The following EBF2 variants were observed in gnomAD, a reference collection of about 807,000 sequenced individuals.
The protein encoded by EBF2 is transcription factor COE2.
Under a neutral mutation model 72.8 loss-of-function variants are expected in EBF2, and 21 were observed. That is an observed-to-expected ratio of 0.29 (90% CI 0.20 to 0.42). The LOEUF (loss-of-function observed/expected upper bound fraction) is 0.42, where lower values mean the gene tolerates loss of function less well. EBF2 is among the 10% of genes least tolerant of loss of function. The pLI is 1.00. For missense variants in EBF2, 637 were observed against 731.2 expected (o/e 0.87, Z 1.49); for synonymous variants, 299 against 274.2 (o/e 1.09, Z -0.89).
Position 25,861,235 on chromosome 8 carries a change from CA to C in EBF2, c.1165-10del. The C allele has an allele frequency of 3.7e-6, 6 of 1,613,020 alleles. No homozygotes were observed. The highest frequency in any genetic ancestry group is 5.1e-6 in the Non-Finnish European group (6 of 1,179,338). ...CGCTTCAAAATGATGTCCTACAAAA[CA>C]ACAGGTTAATGTGAGCATTCTATCC... On this transcript the variant is annotated splice_polypyrimidine_tract_variant and intron_variant, in intron 12 of 15. Coordinates refer to ENST00000520164, the MANE Select transcript of EBF2 (RefSeq NM_022659.4).
intron 6 of EBF2, among the ~76,000 whole-genome samples, chr8:26,000,927 G>T (rs1193617122): frequency 3.9e-5 from 6 of 152,328 alleles, no homozygotes; most frequent in Non-Finnish European, 2.9e-5. Context: ...GCTGCAGGAA[G>T]TGAGCAAGGA....
chr8:25,933,564 C>T (rs1803518554), intron 6 of EBF2, among the ~76,000 whole-genome samples: 1 of 152,086 alleles, frequency 6.6e-6, no homozygotes, highest in Admixed American at 6.5e-5. Context: ...TTTGACCCCG[C>T]AATTCTATTT....
intron 6 of EBF2, among the ~76,000 whole-genome samples, chr8:26,018,322 G>C (rs924433657): frequency 2.0e-5 from 3 of 151,106 alleles, no homozygotes; most frequent in Non-Finnish European, 4.4e-5. Flanking sequence ...AAGAGAAAAG[G>C]CTGCAAGTAG....
chr8:25,943,333 A>AT (rs57587347), intron 6 of EBF2, among the ~76,000 whole-genome samples: 4 of 148,178 alleles, frequency 2.7e-5, no homozygotes, highest in Non-Finnish European at 5.9e-5. Context: ...AAAAAAAAAA[A>AT]GAAAGAAAGA....
At chr8:25,965,572 C>T (rs1197260088) in intron 6 of EBF2, among the ~76,000 whole-genome samples, 1 of 152,186 alleles carries the variant, frequency 6.6e-6, no homozygotes, top group Non-Finnish European at 1.5e-5. Context: ...TCCTATCTGT[C>T]AACTTTCAGC....
chr8:25,979,925 T>A (rs1258416422), intron 6 of EBF2, among the ~76,000 whole-genome samples: 4 of 151,950 alleles, frequency 2.6e-5, no homozygotes, highest in Admixed American at 1.3e-4. Flanking sequence ...GCAAAAAAAA[T>A]TCAGGAAGGA....
At chr8:25,874,548 C>T (rs559302415) in intron 10 of EBF2, among the ~76,000 whole-genome samples, 2 of 152,232 alleles carry the variant, frequency 1.3e-5, no homozygotes, top group South Asian at 4.2e-4. Flanking sequence ...TTCTCTTGCA[C>T]ACCTTGTCAA....
chr8:25,941,811 C>T (rs1446199082), intron 6 of EBF2, among the ~76,000 whole-genome samples: 1 of 152,146 alleles, frequency 6.6e-6, no homozygotes, highest in Non-Finnish European at 1.5e-5. Flanking sequence ...CTCCTGCTCT[C>T]GCTAATTCAT....
At chr8:25,963,290 C>G (rs1804063347) in intron 6 of EBF2, among the ~76,000 whole-genome samples, 1 of 152,160 alleles carries the variant, frequency 6.6e-6, no homozygotes, top group Non-Finnish European at 1.5e-5. Flanking sequence ...TCTCATTTTT[C>G]TCCTCCCTGA....
intron 6 of EBF2, among the ~76,000 whole-genome samples, chr8:25,991,633 G>A (rs1384203514): frequency 6.6e-6 from 1 of 152,162 alleles, no homozygotes; most frequent in Non-Finnish European, 1.5e-5. Context: ...ATCACTTGAG[G>A]TCAGGAGTTT....
chr8:25,893,283 T>A (rs894015793), intron 7 of EBF2, among the ~76,000 whole-genome samples: 4 of 138,782 alleles, frequency 2.9e-5, no homozygotes, highest in Admixed American at 1.5e-4. Flanking sequence ...TTTTTTTTTT[T>A]TTTTTTTTTT....
At chr8:26,020,761 T>G (rs1303471112) in intron 6 of EBF2, among the ~76,000 whole-genome samples, 2 of 152,204 alleles carry the variant, frequency 1.3e-5, no homozygotes, top group Non-Finnish European at 2.9e-5. Context: ...GTCAGATTTT[T>G]TTTTCTCCAG....
At chr8:26,005,915 A>G (rs1804873500) in intron 6 of EBF2, among the ~76,000 whole-genome samples, 1 of 151,898 alleles carries the variant, frequency 6.6e-6, no homozygotes, top group Admixed American at 6.6e-5. Context: ...TTCCCAAAGT[A>G]GCCGCAGTTT....
intron 13 of EBF2, among the ~76,000 whole-genome samples, chr8:25,859,616 A>C (rs1428087239): frequency 6.6e-6 from 1 of 152,178 alleles, no homozygotes; most frequent in Non-Finnish European, 1.5e-5. Flanking sequence ...CTCTAAAACT[A>C]TATAGGAAAC....
chr8:25,859,721 CT>C (rs202200790), intron 13 of EBF2, among the ~76,000 whole-genome samples: 356 of 142,564 alleles, frequency 2.5e-3, no homozygotes, highest in Middle Eastern at 7.3e-3. Flanking sequence ...CCTGTCTAGT[CT>C]TTTTTTTTTT....
At chr8:26,040,512 T>C (rs1227792671) in intron 4 of EBF2, 104 bp downstream of exon 4, 10 of 1,116,168 alleles carry the variant, frequency 9.0e-6, no homozygotes, top group Middle Eastern at 2.0e-4. Context: ...CTGTGGAGTC[T>C]GACCCAGGAA....
intron 6 of EBF2, among the ~76,000 whole-genome samples, chr8:26,028,454 G>T (rs1805339670): frequency 6.6e-6 from 1 of 152,150 alleles, no homozygotes; most frequent in Admixed American, 6.5e-5. Context: ...AGCCTACGAA[G>T]ATTCAAAATA....
Position 26,044,995 on chromosome 8 carries a change from T to TA in EBF2, c.-137dup. On this transcript the variant is annotated 5_prime_UTR_variant, in exon 1 of 16. Coordinates refer to ENST00000520164, the MANE Select transcript of EBF2 (RefSeq NM_022659.4). The surrounding 1 kb of genome is among the most constrained non-coding windows in gnomAD (Gnocchi z 4.1). The stretch of plus-strand genomic sequence containing the variant: ...GGATCAAGTGCCCAAGTTTGAGTCT[T>TA]AGAAAAAAAAAAAAGATAACCCGTC... The TA allele has an allele frequency of 2.2e-6, 2 of 905,956 alleles. No individual in the cohort carries two copies. The highest frequency in any genetic ancestry group is 1.6e-6 in the Non-Finnish European group (1 of 622,790). The allele number at this position is 905,956 out of a possible 1,614,324, so 56.1% of individuals were successfully genotyped here. A position where few individuals can be genotyped will look rare whatever the true frequency, so the allele number is the denominator to read the frequency against.
chr8:25,911,992 G>T (rs1444305046), intron 6 of EBF2, among the ~76,000 whole-genome samples: 2 of 152,180 alleles, frequency 1.3e-5, no homozygotes, highest in African/African-American at 4.8e-5. Context: ...TCTGAGGCAG[G>T]GAGGGTGCTT....
Sources: gnomAD v4.1 joint callset for allele counts (sites outside exome capture counted in the v4.1 genomes callset) on GRCh38, gnomAD v4.1.1 for gene constraint, Gnocchi (gnomAD v3.1) non-coding constraint, MANE v1.5 for transcripts, NCBI Gene and HGNC (gene_info 2026-07-23, HGNC 2026-07-21) for gene names.